The following SMARCB1 variants were observed in gnomAD, a reference collection of about 807,000 sequenced individuals.
SMARCB1 encodes the protein SWI/SNF-related matrix-associated actin-dependent regulator of chromatin subfamily B member 1.
SMARCB1 carries 5 observed loss-of-function variants against 49.0 expected under a neutral mutation model. That is an observed-to-expected ratio of 0.10 (90% CI 0.05 to 0.21). The LOEUF (loss-of-function observed/expected upper bound fraction) is 0.21. Ranked by LOEUF, SMARCB1 falls within the 10% of genes least tolerant of loss-of-function variation. The probability of loss-of-function intolerance (pLI) is 1.00; values close to 1 mark genes in which losing one functional copy is unlikely to be tolerated. For synonymous variants in SMARCB1, 201 were observed against 200.1 expected (o/e 1.00, Z -0.04); for missense variants, 226 against 509.2 (o/e 0.44, Z 5.35).
chr22:23,787,091 G>T lies in SMARCB1; in HGVS notation c.-79G>T. The T allele has an allele frequency of 1.1e-6, 1 of 919,374 alleles. No homozygotes were observed. The highest frequency in any genetic ancestry group is 1.7e-6 in the Non-Finnish European group (1 of 572,562). 57.0% of individuals were successfully genotyped at this position (919,374 alleles called of 1,614,324 possible). A position where few individuals can be genotyped will look rare whatever the true frequency, so the allele number is the denominator to read the frequency against. ...TCGCCTTCCGGCTTCGGTTTCCCTC[G>T]GCCCAGCACGCCCCGGCCCCGCCCC... On this transcript the variant is annotated 5_prime_UTR_variant, in exon 1 of 9. Transcript: ENST00000644036.
chr22:23,797,000 C>CTTTTTTTT (rs1166157626), intron 3 of SMARCB1, among the ~76,000 whole-genome samples: 20 of 135,398 alleles, frequency 1.5e-4, no homozygotes, highest in South Asian at 1.2e-3. Context: ...GGTTGTTTTT[C>CTTTTTTTT]TTTTTTTTTT....
intron 5 of SMARCB1, among the ~76,000 whole-genome samples, chr22:23,812,970 T>C (rs1331501199): frequency 1.3e-5 from 2 of 151,420 alleles, no homozygotes; most frequent in African/African-American, 4.8e-5. Context: ...ATTCACACCA[T>C]TCTCCTGCCT....
rs2030984908 is a variant in SMARCB1 at position 23,835,613 on chromosome 22, C to T, written c.*1433C>T. The T allele has an allele frequency of 1.0e-6, 1 of 985,394 alleles. No homozygotes were observed. The highest frequency in any genetic ancestry group is 1.2e-6 in the Non-Finnish European group (1 of 829,956). 61.0% of individuals were successfully genotyped at this position (985,394 alleles called of 1,614,324 possible). A position where few individuals can be genotyped will look rare whatever the true frequency, so the allele number is the denominator to read the frequency against. On this transcript the variant is annotated 3_prime_UTR_variant, in exon 9 of 9. Coordinates refer to ENST00000644036, the MANE Select transcript of SMARCB1 (RefSeq NM_003073.5). ...GTGGAACTCCCCAGAGCCCCATGCA[C>T]AGCAAGGGGACAGCTGGGCCTTACT...
At chr22:23,794,572 C>G (rs1414517181) in intron 3 of SMARCB1, among the ~76,000 whole-genome samples, 1 of 152,106 alleles carries the variant, frequency 6.6e-6, no homozygotes, top group African/African-American at 2.4e-5. Flanking sequence ...CATAAACTCA[C>G]AAAAGAAACA....
chr22:23,812,361 C>T (rs546837557), intron 5 of SMARCB1, among the ~76,000 whole-genome samples: 5 of 152,070 alleles, frequency 3.3e-5, no homozygotes, highest in Non-Finnish European at 5.9e-5. Flanking sequence ...AATCTCTGGG[C>T]CCATATGATT....
chr22:23,809,780 A>G (rs1210455928), intron 5 of SMARCB1, among the ~76,000 whole-genome samples: 2 of 152,040 alleles, frequency 1.3e-5, no homozygotes, highest in African/African-American at 4.8e-5. Context: ...CAAGTACTGA[A>G]AGAAAAGAAC....
In SMARCB1 at chr22:23,820,108, G is replaced by A. The variant is rs566767867; in HGVS notation, c.795+3172G>A. Among the ~76,000 whole-genome samples the A allele has an allele frequency of 3.9e-5, 6 of 152,226 alleles. No homozygotes were observed. The South Asian group carries it at 1.0e-3, about 26-fold the overall frequency. ...GCCTCCCAAAGGATTATAGACGTGA[G>A]CCACTGTGCCCGGCCAGTTTGCCAG... On this transcript the variant is annotated intron_variant, in intron 6 of 8. Coordinates refer to ENST00000644036, the MANE Select transcript of SMARCB1 (RefSeq NM_003073.5).
At chr22:23,811,571 A>G (rs1929871837) in intron 5 of SMARCB1, among the ~76,000 whole-genome samples, 1 of 152,254 alleles carries the variant, frequency 6.6e-6, no homozygotes. Flanking sequence ...AAATACTTGT[A>G]AGCTAAATAA....
intron 5 of SMARCB1, chr22:23,815,018 G>A (rs972038133): frequency 6.7e-6 from 1 of 148,490 alleles, no homozygotes; most frequent in African/African-American, 2.5e-5. Flanking sequence ...TTTCACTAAA[G>A]AAGTTATATA....
chr22:23,799,319 G>A (rs891660239), intron 3 of SMARCB1, among the ~76,000 whole-genome samples: 8 of 149,770 alleles, frequency 5.3e-5, no homozygotes, highest in African/African-American at 1.2e-4. Context: ...TTGCTCTCTC[G>A]CCCAGGCTGG....
At chr22:23,796,980 A>G (rs916146879) in intron 3 of SMARCB1, among the ~76,000 whole-genome samples, 3 of 151,456 alleles carry the variant, frequency 2.0e-5, no homozygotes, top group African/African-American at 7.3e-5. Flanking sequence ...TGGGATTGCA[A>G]TGGAAGGAAG....
intron 1 of SMARCB1, 114 bp from the exon 2 acceptor site, chr22:23,791,642 C>T: frequency 9.8e-7 from 1 of 1,023,556 alleles, no homozygotes; most frequent in Non-Finnish European, 1.5e-6. Context: ...AGCGTGGCGC[C>T]TGGGGGCCAC....
rs542096454 is a variant in SMARCB1, at chr22:23,833,582, C to T, written c.997C>T (p.Leu333=). ...QKTYAFSENP[L]PTVEIAIRNT... Reference sequence around the variant, plus strand: ...CTCCCCTCCTCGTAGCGAGAACCCTCTGCCCACAGTGGAGATTGCCATCCG... The same window carrying T: ...CTCCCCTCCTCGTAGCGAGAACCCTTTGCCCACAGTGGAGATTGCCATCCG... Residue 333 remains leucine, a synonymous_variant, in exon 8 of 9, where the codon CTG becomes TTG. Coordinates refer to ENST00000644036, the MANE Select transcript of SMARCB1 (RefSeq NM_003073.5). The T allele has an allele frequency of 1.4e-5, 23 of 1,614,276 alleles. No homozygotes were observed. The South Asian group carries it at 2.4e-4, about 17-fold the overall frequency.
intron 6 of SMARCB1, chr22:23,824,563 C>G: frequency 6.4e-6 from 1 of 155,042 alleles, no homozygotes; most frequent in Admixed American, 6.2e-5. Context: ...AGTCTGTGTT[C>G]TCTCAGCTGG....
chr22:23,829,058 A>G (rs1318468310), intron 7 of SMARCB1, among the ~76,000 whole-genome samples: 1 of 152,172 alleles, frequency 6.6e-6, no homozygotes, highest in Non-Finnish European at 1.5e-5. Context: ...AAGGAGGGAG[A>G]CAGGGCTCAA....
chr22:23,794,177 G>A (rs1178750560), intron 3 of SMARCB1, among the ~76,000 whole-genome samples: 1 of 152,240 alleles, frequency 6.6e-6, no homozygotes, highest in Non-Finnish European at 1.5e-5. Context: ...CCCCACCTCA[G>A]GTGATCCGCC....
chr22:23,808,215 G>C (rs528197199), intron 5 of SMARCB1, among the ~76,000 whole-genome samples: 1 of 151,652 alleles, frequency 6.6e-6, no homozygotes, highest in East Asian at 1.9e-4. Flanking sequence ...CCGCCTCCCA[G>C]GTTCACGCCA....
chr22:23,825,794 C>G (rs2030352772), intron 7 of SMARCB1: 2 of 237,244 alleles, frequency 8.4e-6, no homozygotes, highest in Non-Finnish European at 8.3e-6. Context: ...GCCCAGGGTT[C>G]TTCATCTGTT....
Position 23,837,585 on chromosome 22 carries a change from G to T in SMARCB1, c.*3405G>T, listed in dbSNP as rs983273155. 2.0e-6 allele frequency: 3 copies of T among 1,495,228 alleles called. No homozygotes were observed. The highest frequency in any genetic ancestry group is 2.7e-6 in the Non-Finnish European group (3 of 1,103,128). 92.6% of individuals were successfully genotyped at this position (1,495,228 alleles called of 1,614,324 possible). A position where few individuals can be genotyped will look rare whatever the true frequency, so the allele number is the denominator to read the frequency against. On this transcript the variant is annotated 3_prime_UTR_variant, in exon 9 of 9. Coordinates refer to ENST00000644036, the MANE Select transcript of SMARCB1 (RefSeq NM_003073.5). ...GAACTCCAGCAAGGATGGGAGAGGG[G>T]CCCCAGGGCATAAGCAGCGTGTCCT...
Sources: gnomAD v4.1 joint callset for allele counts (sites outside exome capture counted in the v4.1 genomes callset) on GRCh38, gnomAD v4.1.1 for gene constraint, MANE v1.5 for transcripts, NCBI Gene and HGNC (gene_info 2026-07-23, HGNC 2026-07-21) for gene names.